Variants in RGPD1 observed in about 807,000 individuals in gnomAD.
RGPD1 encodes RANBP2 like and GRIP domain containing 1.
Under a neutral mutation model 40.6 loss-of-function variants are expected in RGPD1, and 7 were observed. That is an observed-to-expected ratio of 0.17 (90% CI 0.10 to 0.32). The LOEUF is 0.32. RGPD1 is among the 10% of genes least tolerant of loss of function. RGPD1 has a pLI of 1.00. For missense variants in RGPD1, 50 were observed against 472.5 expected (o/e 0.11, Z 8.29); for synonymous variants, 24 against 167.0 (o/e 0.14, Z 6.60).
rs1410564151 is a variant in RGPD1, at chr2:86,960,115, A to G, written c.779+1688A>G. 3.2e-5 allele frequency among the ~76,000 whole-genome samples: 3 copies of G among 92,938 alleles called. 1 individual carries two copies. The highest frequency in any genetic ancestry group is 6.2e-5 in the Non-Finnish European group (3 of 48,296). The allele number at this position is 92,938 out of a possible 152,430, so 61.0% of individuals were successfully genotyped here. A position where few individuals can be genotyped will look rare whatever the true frequency, so the allele number is the denominator to read the frequency against. ...GGGAGGCTCAGGAGGGGAGATGACC[A>G]TGGGGATGGAGTCACTCAGGGGAGA... On this transcript the variant is annotated intron_variant, in intron 6 of 22. Coordinates refer to ENST00000641458, the MANE Select transcript of RGPD1 (RefSeq NM_001382344.1).
At chr2:86,943,278 C>G (rs1226300761) in intron 1 of RGPD1, among the ~76,000 whole-genome samples, 13 of 105,940 alleles carry the variant, frequency 1.2e-4, no homozygotes, top group African/African-American at 4.6e-4. Flanking sequence ...CCCTCGCCCC[C>G]CCCCCACCCC....
chr2:86,919,449 A>G (rs895990300), intron 1 of RGPD1, among the ~76,000 whole-genome samples: 1 of 138,522 alleles, frequency 7.2e-6, no homozygotes, highest in African/African-American at 3.0e-5. Flanking sequence ...TGTCACTCAG[A>G]GTAAAGGCCA....
At chr2:86,924,251 G>T (rs987817965) in intron 1 of RGPD1, among the ~76,000 whole-genome samples, 1 of 152,076 alleles carries the variant, frequency 6.6e-6, no homozygotes, top group African/African-American at 2.4e-5. Context: ...TGACTCCCAA[G>T]TTCAGGCAGT....
At chr2:86,918,322 A>G (rs1449872220) in intron 1 of RGPD1, among the ~76,000 whole-genome samples, 1 of 150,260 alleles carries the variant, frequency 6.7e-6, no homozygotes, top group African/African-American at 2.5e-5. Context: ...ATCTCCTTCT[A>G]GCTTTGGAGA....
At chr2:86,938,130 G>T (rs2104740618), upstream of RGPD1, among the ~76,000 whole-genome samples, 1 of 49,628 alleles carries the variant, frequency 2.0e-5, no homozygotes, top group Non-Finnish European at 3.3e-5. Flanking sequence ...TCAAAAAGGG[G>T]TAAGCTAAGT....
At chr2:86,944,050 A>C (rs975448504) in intron 1 of RGPD1, among the ~76,000 whole-genome samples, 2 of 152,116 alleles carry the variant, frequency 1.3e-5, no homozygotes, top group Admixed American at 6.5e-5. Flanking sequence ...AACTCAACGG[A>C]TGACCATGAT....
rs148573453 is a variant in RGPD1 at position 86,929,433 on chromosome 2, G to A, written c.72+15512G>A. Among the ~76,000 whole-genome samples, 1,238 of 151,872 alleles carry A rather than the reference G, an allele frequency of 8.2e-3. 16 individuals carry two copies. The highest frequency in any genetic ancestry group is 0.028 in the African/African-American group (1,163 of 41,444). Reference sequence around the variant, plus strand: ...TTTAGAAACTGGTCAGTGTCAGAGCGATCAGACACAGAAATGTTAATTCAT... The same window carrying A: ...TTTAGAAACTGGTCAGTGTCAGAGCAATCAGACACAGAAATGTTAATTCAT... On this transcript the variant is annotated intron_variant, in intron 1 of 22. Coordinates refer to the RGPD1 transcript ENST00000398193.
intron 22 of RGPD1, among the ~76,000 whole-genome samples, chr2:87,010,709 A>G (rs1011917052): frequency 4.8e-5 from 1 of 21,044 alleles, no homozygotes; most frequent in Non-Finnish European, 7.8e-5. Flanking sequence ...AGAGTTCAAG[A>G]CCAGCCTGAC....
chr2:86,943,552 TGTC>T (rs1482708885), intron 1 of RGPD1, among the ~76,000 whole-genome samples: 1 of 152,100 alleles, frequency 6.6e-6, no homozygotes, highest in African/African-American at 2.4e-5. Context: ...ATCACAGCAC[TGTC>T]GTTTATAAGC....
intron 1 of RGPD1, among the ~76,000 whole-genome samples, chr2:86,924,439 G>A (rs547240268): frequency 6.6e-6 from 1 of 150,494 alleles, no homozygotes; most frequent in East Asian, 2.0e-4. Flanking sequence ...ACAGGTGTGA[G>A]CCACCATGCC....
intron 1 of RGPD1, among the ~76,000 whole-genome samples, chr2:86,920,243 T>C (rs1167549585): frequency 6.6e-6 from 1 of 151,702 alleles, no homozygotes; most frequent in East Asian, 1.9e-4. Flanking sequence ...CTAATTTCTG[T>C]ATTTTTAGTA....
chr2:86,942,711 G>A (rs1449998820), intron 1 of RGPD1, among the ~76,000 whole-genome samples: 2 of 146,348 alleles, frequency 1.4e-5, no homozygotes, highest in African/African-American at 5.0e-5. Context: ...GACGTGGCCC[G>A]GCGGCGGCCT....
chr2:86,942,578 T>TCGACGTGGCCGGGCGGCGGCGG (rs1679939360), intron 1 of RGPD1, among the ~76,000 whole-genome samples: 2 of 82,080 alleles, frequency 2.4e-5, no homozygotes, highest in African/African-American at 8.4e-5. Flanking sequence ...GGCGGCGGCC[T>TCGACGTGGCCGGGCGGCGGCGG]CGATGGCTCA....
chr2:86,942,752 G>C (rs1420982927), intron 1 of RGPD1, among the ~76,000 whole-genome samples: 5 of 151,382 alleles, frequency 3.3e-5, no homozygotes, highest in African/African-American at 1.2e-4. Context: ...CTCCTGACGG[G>C]CGCTGCTCCC....
intron 1 of RGPD1, among the ~76,000 whole-genome samples, chr2:86,932,912 ATTTT>A (rs1423144235): frequency 0.012 from 1,591 of 130,344 alleles, 54 homozygotes; most frequent in African/African-American, 0.042. Context: ...TAGTAATCTT[ATTTT>A]AAGAGTAGGA....
chr2:86,933,413 C>T (rs1261326185), intron 1 of RGPD1, among the ~76,000 whole-genome samples: 3 of 150,220 alleles, frequency 2.0e-5, no homozygotes, highest in South Asian at 2.1e-4. Context: ...GGTATGACAA[C>T]TGAATGCAAT....
chr2:87,009,077 G>A (rs1379742000), intron 22 of RGPD1, among the ~76,000 whole-genome samples: 5 of 145,300 alleles, frequency 3.4e-5, no homozygotes, highest in Non-Finnish European at 6.0e-5. Context: ...AGGCCGAGGC[G>A]GGCAGATCGC....
At chr2:86,927,758 G>A (rs2104696149) in intron 1 of RGPD1, among the ~76,000 whole-genome samples, 1 of 85,924 alleles carries the variant, frequency 1.2e-5, no homozygotes, top group South Asian at 4.1e-4. Flanking sequence ...TGATAAAAGT[G>A]TTAGTATGTG....
chr2:86,954,679 C>A (rs1680626880), intron 4 of RGPD1, among the ~76,000 whole-genome samples: 1 of 136,816 alleles, frequency 7.3e-6, no homozygotes, highest in South Asian at 2.6e-4. Context: ...TGGTCTCAAG[C>A]ATTTTGGATA....
Sources: allele counts gnomAD v4.1 joint callset (sites outside exome capture counted in the v4.1 genomes callset), GRCh38; gene constraint gnomAD v4.1.1; transcripts MANE v1.5; gene names NCBI Gene and HGNC (gene_info 2026-07-23, HGNC 2026-07-21).